Variants in NF2 observed in about 807,000 individuals in gnomAD.
The protein encoded by NF2 is NF2, moesin-ezrin-radixin like (MERLIN) tumor suppressor, also known as merlin.
Under a neutral mutation model 83.7 loss-of-function variants are expected in NF2, and 8 were observed. The observed-to-expected ratio is 0.10, with a 90% CI of 0.06 to 0.17. The LOEUF (loss-of-function observed/expected upper bound fraction) is 0.17, where lower values mean the gene tolerates loss of function less well. Among genes scored for constraint, NF2 ranks in the 10% least tolerant of loss-of-function variants. The pLI is 1.00. For synonymous variants in NF2, 266 were observed against 269.6 expected, an observed-to-expected ratio of 0.99 and a Z score of 0.13; for missense variants, 533 against 744.4, an observed-to-expected ratio of 0.72 and a Z score of 3.31.
chr22:29,643,901 C>T (rs1304138542), intron 4 of NF2, among the ~76,000 whole-genome samples: 3 of 149,096 alleles, frequency 2.0e-5, no homozygotes, highest in Non-Finnish European at 3.0e-5. Flanking sequence ...CCGGATGGGG[C>T]GGCTGGCCGG....
At chr22:29,637,246 G>T (rs976020922) in intron 2 of NF2, among the ~76,000 whole-genome samples, 1 of 152,142 alleles carries the variant, frequency 6.6e-6, no homozygotes, top group African/African-American at 2.4e-5. Context: ...AGAGAGTATT[G>T]GGGCTTGTGT....
At chr22:29,624,879 CCT>C (rs1221191811) in intron 1 of NF2, among the ~76,000 whole-genome samples, 1 of 137,150 alleles carries the variant, frequency 7.3e-6, no homozygotes, top group Non-Finnish European at 1.6e-5. Flanking sequence ...CTCTTTCTCT[CCT>C]CTTTCTGTCT....
At position 29,697,113 on chromosome 22, in the gene NF2, G is replaced by A. The variant is rs113956497; in HGVS notation, c.*2311G>A. 458 of 200,800 alleles carry A rather than the reference G, an allele frequency of 2.3e-3. 1 individual carries two copies. The highest frequency in any genetic ancestry group is 0.022 in the Middle Eastern group (13 of 594). The allele number at this position is 200,800 out of a possible 1,614,324, so 12.4% of individuals were successfully genotyped here. A position where few individuals can be genotyped will look rare whatever the true frequency, so the allele number is the denominator to read the frequency against. ...ATTATAGGCGTGAGCCACCATGCCC[G>A]GTCTCTTCTCAGTCTTGAAGCCCAT... On this transcript the variant is annotated 3_prime_UTR_variant, in exon 16 of 16. Transcript: ENST00000338641.
At chr22:29,626,702 A>G (rs1019323763) in intron 1 of NF2, among the ~76,000 whole-genome samples, 6 of 152,164 alleles carry the variant, frequency 3.9e-5, no homozygotes, top group Admixed American at 3.9e-4. Context: ...TACTAACCAC[A>G]ATTTTTACAT....
chr22:29,605,711 G>A (rs1601519667), intron 1 of NF2, among the ~76,000 whole-genome samples: 1 of 152,114 alleles, frequency 6.6e-6, no homozygotes, highest in Non-Finnish European at 1.5e-5. Context: ...CTACAAATTC[G>A]GTAAGAAAGA....
intron 1 of NF2, among the ~76,000 whole-genome samples, chr22:29,617,552 T>G (rs1449974776): frequency 6.6e-6 from 1 of 152,062 alleles, no homozygotes; most frequent in Non-Finnish European, 1.5e-5. Context: ...GAGGACACCC[T>G]CCAATCTCCT....
intron 7 of NF2, among the ~76,000 whole-genome samples, 165 bp downstream of exon 7, chr22:29,658,429 A>G (rs1197824364): frequency 1.3e-5 from 2 of 152,152 alleles, no homozygotes; most frequent in Non-Finnish European, 2.9e-5. Context: ...CTAACTTTCT[A>G]TTTTTGGACT....
At chr22:29,664,778 A>G (rs1338397965) in intron 8 of NF2, among the ~76,000 whole-genome samples, 3 of 152,218 alleles carry the variant, frequency 2.0e-5, no homozygotes, top group African/African-American at 7.2e-5. Flanking sequence ...AAGATGGTCT[A>G]GAGAGCGTAC....
intron 8 of NF2, among the ~76,000 whole-genome samples, chr22:29,663,483 T>A (rs1365950230): frequency 6.6e-6 from 1 of 152,228 alleles, no homozygotes; most frequent in Non-Finnish European, 1.5e-5. Context: ...AAAACAGAAA[T>A]GTTAGTTTAT....
chr22:29,647,035 CAAA>C (rs67597134), intron 4 of NF2, among the ~76,000 whole-genome samples: 2 of 117,002 alleles, frequency 1.7e-5, no homozygotes, highest in Non-Finnish European at 1.7e-5. Context: ...GACTCCATCT[CAAA>C]AAAAAAAAAA....
In NF2 at chr22:29,671,613, CTAG is replaced by C. The variant is rs4034748; in HGVS notation, c.1000-212_1000-210del. Among the ~76,000 whole-genome samples, 4,124 of 152,148 alleles carry C rather than the reference CTAG, an allele frequency of 0.027. 194 individuals carry two copies. Among genetic ancestry groups the C allele is most frequent in the African/African-American group, 0.093 (3,877 of 41,478 alleles). ...TGTTTGTTCATTTGTTCATTCACCA[CTAG>C]ACTGTTTTTCAAGTGGCACAGCTTT... On this transcript the variant is annotated intron_variant, in intron 10 of 15. Coordinates refer to ENST00000338641, the MANE Select transcript of NF2 (RefSeq NM_000268.4).
chr22:29,628,057 A>G (rs958292337), intron 1 of NF2, among the ~76,000 whole-genome samples: 5 of 152,192 alleles, frequency 3.3e-5, no homozygotes, highest in African/African-American at 1.2e-4. Context: ...TATCATCAAC[A>G]TCGTCAACCA....
At position 29,620,823 on chromosome 22, in the gene NF2, G is replaced by T. The variant is rs2065201123; in HGVS notation, c.115-15928G>T. Among the ~76,000 whole-genome samples the T allele has an allele frequency of 3.3e-5, 5 of 152,102 alleles. 1 individual carries two copies. The highest frequency in any genetic ancestry group is 3.3e-4 in the Admixed American group (5 of 15,266). Reference sequence around the variant, plus strand: ...GATCCTCCTGCCTCAGCCTCCCAAAGTGCTAGGATTATAGGTGTGAACCAC... The same window carrying T: ...GATCCTCCTGCCTCAGCCTCCCAAATTGCTAGGATTATAGGTGTGAACCAC... On this transcript the variant is annotated intron_variant, in intron 1 of 15. Coordinates refer to ENST00000338641, the MANE Select transcript of NF2 (RefSeq NM_000268.4).
chr22:29,684,937 C>G (rs1206617710), intron 15 of NF2, among the ~76,000 whole-genome samples: 1 of 151,734 alleles, frequency 6.6e-6, no homozygotes, highest in Non-Finnish European at 1.5e-5. Context: ...TGCAGTCTGG[C>G]TGGCACAAGC....
In NF2 at chr22:29,606,233, C is replaced by T. The variant is rs575175751; in HGVS notation, c.114+2121C>T. 7.9e-5 allele frequency among the ~76,000 whole-genome samples: 12 copies of T among 152,292 alleles called. No homozygotes were observed. In the South Asian group the frequency reaches 2.5e-3, roughly 32 times the overall value. On this transcript the variant is annotated intron_variant, in intron 1 of 15. Transcript: ENST00000338641. ...CCTCCCAAAGTGTTGGGATTATAGG[C>T]GTGAGCCACTGTGCCCTGCGAAAAG...
chr22:29,653,501 T>C (rs2066214285), intron 4 of NF2, among the ~76,000 whole-genome samples: 2 of 148,638 alleles, frequency 1.3e-5, no homozygotes, highest in Admixed American at 1.3e-4. Flanking sequence ...AAAAAAACAA[T>C]GCAATACAAT....
At chr22:29,623,718 T>A (rs899961584) in intron 1 of NF2, among the ~76,000 whole-genome samples, 1 of 152,148 alleles carries the variant, frequency 6.6e-6, no homozygotes. Context: ...GTGCACTTTC[T>A]CTTGTCTGGT....
intron 1 of NF2, among the ~76,000 whole-genome samples, chr22:29,634,974 G>A (rs2065609597): frequency 2.0e-5 from 3 of 152,254 alleles, no homozygotes; most frequent in African/African-American, 4.8e-5. Context: ...TAGTGTTCCA[G>A]TGGCCCCACT....
intron 14 of NF2, 132 bp from the exon 15 acceptor site, chr22:29,681,307 G>A (rs112291830): frequency 2.4e-5 from 24 of 1,019,066 alleles, no homozygotes; most frequent in African/African-American, 1.1e-4. Context: ...GCCTGTGAGT[G>A]GCCAAGTAGA....
Sources: allele counts gnomAD v4.1 joint callset (sites outside exome capture counted in the v4.1 genomes callset), GRCh38; gene constraint gnomAD v4.1.1; transcripts MANE v1.5; gene names NCBI Gene and HGNC (gene_info 2026-07-23, HGNC 2026-07-21).